APOL5: variants seen among roughly 807,000 people sequenced by gnomAD.
APOL5 encodes apolipoprotein L, 5.
A neutral mutation model predicts 35.5 loss-of-function variants in APOL5; 29 were observed. The observed-to-expected ratio is 0.82, with a 90% confidence interval of 0.61 to 1.11. The LOEUF (loss-of-function observed/expected upper bound fraction) is 1.11, where lower values mean the gene tolerates loss of function less well. APOL5 is among the 50% of genes most tolerant of loss of function. APOL5 has a pLI of 0.00. For synonymous variants in APOL5, 188 were observed against 200.2 expected, an observed-to-expected ratio of 0.94 and a Z score of 0.51; for missense variants, 514 against 530.4, an observed-to-expected ratio of 0.97 and a Z score of 0.30.
intron 1 of APOL5, among the ~76,000 whole-genome samples, chr22:35,720,066 C>T (rs886944293): frequency 5.9e-5 from 9 of 152,190 alleles, no homozygotes; most frequent in South Asian, 2.1e-4. Context: ...GTGTTCCTCT[C>T]GATGTCCAGC....
chr22:35,714,411 G>C (rs1487729106), upstream of APOL5, among the ~76,000 whole-genome samples: 1 of 152,218 alleles, frequency 6.6e-6, no homozygotes. Flanking sequence ...TTATCTGGTT[G>C]TGTGGTTGAG....
chr22:35,711,619 C>CTTCCTTCTTTCCTTCCTTCT, the APOL5 span, among the ~76,000 whole-genome samples: 1 of 144,452 alleles, frequency 6.9e-6, no homozygotes, highest in African/African-American at 2.6e-5. Flanking sequence ...TCCTTCCTTC[C>CTTCCTTCTTTCCTTCCTTCT]TTCCTTCCTT....
intron 2 of APOL5, among the ~76,000 whole-genome samples, chr22:35,722,897 G>A (rs1426684568): frequency 6.6e-6 from 1 of 152,108 alleles, no homozygotes; most frequent in African/African-American, 2.4e-5. Flanking sequence ...GATCTGGAAG[G>A]GCCTTCCAGC....
In APOL5 at chr22:35,717,876, C is replaced by T. The variant is rs748295040; in HGVS notation, c.5C>T (p.Pro2Leu). ...AAATTTTAAAAAATCTAAAGCATGC[C>T]ATGTGGCAAACAAGGAAATTTGCAA... M[P>L]CGKQGNLQVP... is the part of the protein sequence containing the mutation. The change falls in exon 1 of 5, where the codon CCA becomes CTA. Residue 2 changes from proline (P) to leucine (L), a missense_variant. Physicochemically the swap from Pro to Leu is moderately conservative, Grantham distance 98 (BLOSUM62 -3). This residue lies in a region of APOL5 where 254 missense variants were observed against 254.7 expected (regional missense o/e 1.00). Coordinates refer to ENST00000249044, the MANE Select transcript of APOL5 (RefSeq NM_030642.1). 1.9e-6 allele frequency: 3 copies of T among 1,575,022 alleles called. No homozygotes were observed. The highest frequency in any genetic ancestry group is 2.6e-6 in the Non-Finnish European group (3 of 1,160,128).
chr22:35,712,151 A>G, the APOL5 span, among the ~76,000 whole-genome samples: 1 of 151,930 alleles, frequency 6.6e-6, no homozygotes, highest in Admixed American at 6.6e-5. Context: ...GGACACAGGC[A>G]TGTGCATCAT....
At chr22:35,715,560 C>T (rs534319895), upstream of APOL5, among the ~76,000 whole-genome samples, 54 of 152,256 alleles carry the variant, frequency 3.5e-4, no homozygotes, top group East Asian at 1.9e-4. Context: ...GCAGGAGAAT[C>T]GCTTGAACAA....
chr22:35,718,929 C>G (rs111347373), intron 1 of APOL5, among the ~76,000 whole-genome samples: 2 of 151,740 alleles, frequency 1.3e-5, no homozygotes, highest in African/African-American at 4.8e-5. Flanking sequence ...CATGGTGGTG[C>G]GCACCTATAA....
chr22:35,717,408 GA>G (rs71191390), upstream of APOL5, among the ~76,000 whole-genome samples: 99,225 of 138,592 alleles, frequency 0.72, 35,730 homozygotes, highest in African/African-American at 0.83. Context: ...CCAAATGAAA[GA>G]AAAAAAAAAA....
At position 35,726,663 on chromosome 22, in the gene APOL5, A is replaced by G; in HGVS notation, c.595A>G (p.Arg199Gly). 6.2e-7 allele frequency: 1 copy of G among 1,614,238 alleles called. No homozygotes were observed. The change falls in exon 3 of 5, where the codon AGA (arginine) becomes GGA (glycine). Residue 199 changes from arginine (R) to glycine (G), a missense_variant. By Grantham distance (125) the Arg-to-Gly change is moderately radical (BLOSUM62 -2). Around this residue, in one of 3 missense-constraint regions of APOL5, gnomAD observed 254 missense variants for 254.7 expected, o/e 1.00. Coordinates refer to ENST00000249044, the MANE Select transcript of APOL5 (RefSeq NM_030642.1). ...AGAAAATAGAAGCAATTCAGCAGCA[A>G]GAGACAAAGCCAGCCGACTGGGGCC... ...VLENRSNSAARDKASRLGPLT... is the reference protein window; with the variant it reads ...VLENRSNSAAGDKASRLGPLT...
chr22:35,721,525 G>A (rs1447076347), intron 2 of APOL5, among the ~76,000 whole-genome samples: 4 of 145,690 alleles, frequency 2.7e-5, no homozygotes, highest in African/African-American at 5.2e-5. Context: ...TAGCCTGGGC[G>A]ACAGAGCAGG....
rs1176639113 is a variant in APOL5, at chr22:35,720,640, C to T, written c.128C>T (p.Pro43Leu). 6.2e-7 allele frequency: 1 copy of T among 1,613,200 alleles called. No individual in the cohort carries two copies. The highest frequency in any genetic ancestry group is 1.7e-5 in the Admixed American group (1 of 59,954). Residue 43 changes from proline to leucine, a missense_variant, in exon 2 of 5, where the codon CCA becomes CTA. Transcript: ENST00000249044. ...IYGGEVWGKSPEPEFPSLVNL... is the reference protein window; with the variant it reads ...IYGGEVWGKSLEPEFPSLVNL... Reference sequence around the variant, plus strand: ...GGAGGTGAGGTCTGGGGGAAGTCCCCAGAACCTGAGTTCCGTGAGGGCAGA... The same window carrying T: ...GGAGGTGAGGTCTGGGGGAAGTCCCTAGAACCTGAGTTCCGTGAGGGCAGA...
upstream of APOL5, among the ~76,000 whole-genome samples, chr22:35,715,675 A>G (rs77302226): frequency 6.6e-6 from 1 of 152,046 alleles, no homozygotes; most frequent in Non-Finnish European, 1.5e-5. Context: ...ATACATACAT[A>G]AAAAAACAAA....
chr22:35,714,403 A>G (rs1193450633), upstream of APOL5, among the ~76,000 whole-genome samples: 2 of 152,150 alleles, frequency 1.3e-5, no homozygotes, highest in Non-Finnish European at 2.9e-5. Context: ...AGGCACTGTT[A>G]TCTGGTTGTG....
At chr22:35,716,325 T>A (rs2145993912), upstream of APOL5, among the ~76,000 whole-genome samples, 1 of 152,368 alleles carries the variant, frequency 6.6e-6, no homozygotes, top group South Asian at 2.1e-4. Flanking sequence ...CAGGCTGAAG[T>A]GCAGTGGTGC....
rs1927200644 is a variant in APOL5 at position 35,727,188 on chromosome 22, C to T, written c.1120C>T (p.Pro374Ser). 6.3e-7 allele frequency: 1 copy of T among 1,596,990 alleles called. No individual in the cohort carries two copies. The highest frequency in any genetic ancestry group is 1.7e-5 in the Admixed American group (1 of 59,840). The change falls in exon 3 of 5, where the codon CCA becomes TCA. Residue 374 changes from proline (P) to serine (S), a missense_variant. Pro to Ser is a moderately conservative substitution (Grantham distance 74). Around this residue, in one of 3 missense-constraint regions of APOL5, gnomAD observed 238 missense variants for 229.1 expected, o/e 1.04. Coordinates refer to ENST00000249044, the MANE Select transcript of APOL5 (RefSeq NM_030642.1). ...TGTTCGAGGATCCCGTGTGGTTAAA[C>T]CAGAAGGTAGGAAGGCAGCGAATAA... ...RAVRGSRVVKPEGSRSPLPWP... is the reference protein window; with the variant it reads ...RAVRGSRVVKSEGSRSPLPWP...
At chr22:35,727,298 C>T in intron 3 of APOL5, 104 bp downstream of exon 3, 4 of 1,469,754 alleles carry the variant, frequency 2.7e-6, no homozygotes, top group Admixed American at 2.3e-5. Context: ...TGCATAACTA[C>T]AGCTGCCCCT....
rs543222987 is a variant in APOL5 at position 35,726,973 on chromosome 22, T to C, written c.905T>C (p.Leu302Ser). 3 of 1,614,120 alleles carry C rather than the reference T, an allele frequency of 1.9e-6. No individual in the cohort carries two copies. In the African/African-American group the frequency reaches 4.0e-5, roughly 22 times the overall value. The change falls in exon 3 of 5, where the codon TTA (leucine) becomes TCA (serine). Residue 302 changes from leucine to serine, a missense_variant. Transcript: ENST00000249044. Reference protein sequence around the residue: ...WVMGAAGAGFLLMKDMSSFLQ... With the variant: ...WVMGAAGAGFSLMKDMSSFLQ... ...ATGGGTGCTGCTGGGGCTGGCTTCT[T>C]ACTTATGAAAGACATGAGCAGCTTC...
upstream of APOL5, among the ~76,000 whole-genome samples, chr22:35,717,235 A>AAAAAAAAAAAAAAATATATATATATATAT: frequency 1.7e-5 from 1 of 57,662 alleles, no homozygotes; most frequent in Non-Finnish European, 3.1e-5. Flanking sequence ...AAAAAAAAAA[A>AAAAAAAAAAAAAAATATATATATATATAT]ATATATATAT....
chr22:35,709,225 TATA>T, the APOL5 span, among the ~76,000 whole-genome samples: 2 of 152,234 alleles, frequency 1.3e-5, no homozygotes, highest in African/African-American at 2.4e-5. Flanking sequence ...GCTAATGCGA[TATA>T]ATCTTTGTCA....
Sources: gnomAD v4.1 joint callset for allele counts (sites outside exome capture counted in the v4.1 genomes callset) on GRCh38, gnomAD v4.1.1 for gene constraint, gnomAD v4.1.1 regional missense constraint, MANE v1.5 for transcripts, NCBI Gene and HGNC (gene_info 2026-07-23, HGNC 2026-07-21) for gene names.